Variants in CDK11A observed in about 807,000 individuals in gnomAD.
CDK11A encodes the protein cyclin dependent kinase 11A, also known as cyclin-dependent kinase 11A.
CDK11A carries 55 observed loss-of-function variants against 83.6 expected under a neutral mutation model. That is an observed-to-expected ratio of 0.66 (90% CI 0.53 to 0.82). CDK11A has a LOEUF of 0.82. Ranked by LOEUF, CDK11A falls within the 40% of genes least tolerant of loss-of-function variation. The pLI is 0.00. For synonymous variants in CDK11A, 247 were observed against 302.7 expected, an observed-to-expected ratio of 0.82 and a Z score of 1.91; for missense variants, 564 against 810.1, an observed-to-expected ratio of 0.70 and a Z score of 3.69.
At chr1:1,717,372 T>C (rs1330778483) in intron 4 of CDK11A, among the ~76,000 whole-genome samples, 1 of 129,710 alleles carries the variant, frequency 7.7e-6, no homozygotes, top group Non-Finnish European at 1.8e-5. Context: ...CAGGTCCAAT[T>C]TTCCTAACAC....
chr1:1,703,541 G>T lies in CDK11A; in HGVS notation c.1995C>A (p.Pro665=), dbSNP rs768072453. Residue 665 remains proline (P), a synonymous_variant, in exon 18 of 20, where the codon CCC becomes CCA. Coordinates refer to ENST00000404249, the MANE Select transcript of CDK11A (RefSeq NM_024011.4). ...VVKKMTFSEH[P]YNNLRKRFGA... The stretch of plus-strand genomic sequence containing the variant: ...CGAAGCGCTTGCGGAGGTTGTTGTA[G>T]GGGTGCTCGCTGAAGGTCATCTTTT... The T allele has an allele frequency of 1.9e-6, 3 of 1,565,428 alleles. No homozygotes were observed. The highest frequency in any genetic ancestry group is 1.2e-5 in the South Asian group (1 of 85,444).
intron 4 of CDK11A, among the ~76,000 whole-genome samples, chr1:1,718,800 C>A (rs1218535791): frequency 6.6e-6 from 1 of 150,756 alleles, no homozygotes; most frequent in East Asian, 1.9e-4. Context: ...CCACGCCCGG[C>A]TAATTTTTTG....
At chr1:1,720,642 C>T (rs1644871021) in intron 3 of CDK11A, among the ~76,000 whole-genome samples, 1 of 150,602 alleles carries the variant, frequency 6.6e-6, no homozygotes, top group Admixed American at 6.7e-5. Context: ...CATGATCCAC[C>T]CGCCTCAGCC....
chr1:1,721,978 C>G (rs1644922803), intron 2 of CDK11A: 1 of 318,038 alleles, frequency 3.1e-6, no homozygotes, highest in African/African-American at 2.2e-5. Flanking sequence ...GGAGAGACCC[C>G]ATCTCTACTA....
intron 2 of CDK11A, chr1:1,722,390 G>T (rs1304261327): frequency 2.4e-6 from 1 of 425,464 alleles, no homozygotes; most frequent in Non-Finnish European, 4.5e-6. Context: ...TTCAAGGCAA[G>T]TTCCCACTAT....
chr1:1,716,966 A>G (rs28669101), intron 4 of CDK11A, among the ~76,000 whole-genome samples: 114,014 of 137,668 alleles, frequency 0.83, 48,757 homozygotes, highest in Non-Finnish European at 0.93. Context: ...ATATTGGCCA[A>G]GCTGGTCTTG....
intron 4 of CDK11A, among the ~76,000 whole-genome samples, chr1:1,717,930 G>C (rs1644738144): frequency 6.7e-6 from 1 of 149,758 alleles, no homozygotes; most frequent in African/African-American, 2.5e-5. Flanking sequence ...CATGCTTTCA[G>C]CTAGAGTATT....
rs1341267306 is a variant in CDK11A, at chr1:1,702,927, C to T, written c.2323G>A (p.Gly775Ser). ...GACCTTCAGAACTTGAGGCTGAAGC[C>T]GGGGCCCGCGGCAGAGGCCCCCTGG... ...TNQGASAAGP[G>S]FSLKF is the part of the protein sequence containing the mutation. Residue 775 changes from glycine to serine, a missense_variant, in exon 20 of 20, where the codon GGC (glycine) becomes AGC (serine). By Grantham distance (56) the Gly-to-Ser change is moderately conservative. Around this residue, in one of 5 missense-constraint regions of CDK11A, gnomAD observed 361 missense variants for 402.7 expected, o/e 0.90. Coordinates refer to ENST00000404249, the MANE Select transcript of CDK11A (RefSeq NM_024011.4). 4.0e-5 allele frequency: 19 copies of T among 480,334 alleles called. No individual in the cohort carries two copies. In the East Asian group the frequency reaches 5.0e-4, roughly 13 times the overall value. 29.8% of individuals were successfully genotyped at this position (480,334 alleles called of 1,614,324 possible).
At chr1:1,707,342 G>A (rs1400659192) in intron 11 of CDK11A, 67 bp downstream of exon 11, 15 of 1,529,418 alleles carry the variant, frequency 9.8e-6, no homozygotes, top group African/African-American at 4.2e-5. Flanking sequence ...GCCAGGCTTC[G>A]CTCAGCCCCT....
chr1:1,722,315 A>G (rs1644935941), intron 2 of CDK11A, among the ~76,000 whole-genome samples: 1 of 150,560 alleles, frequency 6.6e-6, no homozygotes, highest in Non-Finnish European at 1.5e-5. Flanking sequence ...TTACCAAATT[A>G]CTAAAAAGGT....
At chr1:1,706,037 G>C (rs1454523897) in intron 11 of CDK11A, among the ~76,000 whole-genome samples, 1 of 150,626 alleles carries the variant, frequency 6.6e-6, no homozygotes, top group East Asian at 1.9e-4. Context: ...GAGCCCAGGA[G>C]TTCAAGACCA....
chr1:1,704,857 C>T (rs977854134), intron 13 of CDK11A, 47 bp downstream of exon 13: 3 of 1,607,604 alleles, frequency 1.9e-6, no homozygotes, highest in Non-Finnish European at 2.6e-6. Context: ...GGGGCCCTGT[C>T]GGAAAAGCCT....
At chr1:1,706,176 G>A (rs2101169724) in intron 11 of CDK11A, among the ~76,000 whole-genome samples, 1 of 150,390 alleles carries the variant, frequency 6.6e-6, no homozygotes, top group East Asian at 2.0e-4. Flanking sequence ...GGGTTCAGGC[G>A]ATTCTCCTGC....
chr1:1,702,889 C>G lies in CDK11A; in HGVS notation c.*18G>C, dbSNP rs1246956902. 7.0e-6 allele frequency: 3 copies of G among 428,976 alleles called. No individual in the cohort carries two copies. The highest frequency in any genetic ancestry group is 1.3e-5 in the Non-Finnish European group (3 of 238,048). The allele number at this position is 428,976 out of a possible 1,614,324, so 26.6% of individuals were successfully genotyped here. On this transcript the variant is annotated 3_prime_UTR_variant, in exon 20 of 20. Transcript: ENST00000404249. Reference sequence around the variant, plus strand: ...GGTCCCGGCTGAGTTCTCCCCATGACGGGGTCCACTCTGACCTTCAGAACT... The same window carrying G: ...GGTCCCGGCTGAGTTCTCCCCATGAGGGGGTCCACTCTGACCTTCAGAACT...
intron 3 of CDK11A, among the ~76,000 whole-genome samples, 177 bp downstream of exon 3, chr1:1,721,419 T>A (rs1403835239): frequency 6.7e-6 from 1 of 150,344 alleles, no homozygotes; most frequent in African/African-American, 2.4e-5. Context: ...CACGGTAACC[T>A]TAGGAAAGAG....
chr1:1,723,546 A>T (rs1644994296), intron 1 of CDK11A, among the ~76,000 whole-genome samples: 1 of 66,422 alleles, frequency 1.5e-5, no homozygotes, highest in Non-Finnish European at 3.8e-5. Context: ...GTTGTAAGCC[A>T]GGCAAGGTGG....
In CDK11A at chr1:1,713,009, G is replaced by A. The variant is rs1264115368; in HGVS notation, c.489-609C>T. Among the ~76,000 whole-genome samples the A allele has an allele frequency of 1.1e-4, 4 of 37,174 alleles. 1 individual carries two copies. Among genetic ancestry groups the A allele is most frequent in the African/African-American group, 1.8e-4 (4 of 21,830 alleles). 24.4% of individuals were successfully genotyped at this position (37,174 alleles called of 152,430 possible). A position where few individuals can be genotyped will look rare whatever the true frequency, so the allele number is the denominator to read the frequency against. On this transcript the variant is annotated intron_variant, in intron 5 of 19. Transcript: ENST00000404249. ...AGCTTTTTTTTTTTTTTTGAGACAG[G>A]GTCTTGGTTTGTCACCCAGGCTGGA...
Position 1,705,090 on chromosome 1 carries a change from G to C in CDK11A, c.1337-65C>G. Reference sequence around the variant, plus strand: ...AAGTCACGGTACCAACAGTGGACTCGTTCAGTGAGGACCGCAGGCAGTGCC... The same window carrying C: ...AAGTCACGGTACCAACAGTGGACTCCTTCAGTGAGGACCGCAGGCAGTGCC... On this transcript the variant is annotated intron_variant, in intron 12 of 19. Coordinates refer to ENST00000404249, the MANE Select transcript of CDK11A (RefSeq NM_024011.4). The C allele has an allele frequency of 1.9e-6, 3 of 1,548,776 alleles. No homozygotes were observed. In the Admixed American group the frequency reaches 5.3e-5, roughly 27 times the overall value.
chr1:1,718,579 TTC>T (rs1644771432), intron 4 of CDK11A, among the ~76,000 whole-genome samples: 1 of 150,804 alleles, frequency 6.6e-6, no homozygotes, highest in Admixed American at 6.7e-5. Flanking sequence ...AGCTAGAGTA[TTC>T]TCTCTATAGC....
Sources: gnomAD v4.1 joint callset for allele counts (sites outside exome capture counted in the v4.1 genomes callset) on GRCh38, gnomAD v4.1.1 for gene constraint, gnomAD v4.1.1 regional missense constraint, MANE v1.5 for transcripts, NCBI Gene and HGNC (gene_info 2026-07-23, HGNC 2026-07-21) for gene names.